The following GLT1D1 variants were observed in gnomAD, a reference collection of about 807,000 sequenced individuals.
The protein encoded by GLT1D1 is glycosyltransferase 1 domain containing 1.
A neutral mutation model predicts 28.7 loss-of-function variants in GLT1D1; 21 were observed. The ratio of observed to expected loss-of-function variants is 0.73; its 90% CI spans 0.52 to 1.05. The LOEUF is 1.05. Ranked by LOEUF, GLT1D1 falls within the 50% of genes least tolerant of loss-of-function variation. The probability of loss-of-function intolerance (pLI) is 0.00; values close to 1 mark genes in which losing one functional copy is unlikely to be tolerated. For synonymous variants in GLT1D1, 147 were observed against 124.8 expected, an observed-to-expected ratio of 1.18 and a Z score of -1.19; for missense variants, 343 against 330.6, an observed-to-expected ratio of 1.04 and a Z score of -0.29.
At chr12:128,944,699 G>A (rs370263075) in intron 4 of GLT1D1, 20 of 666,352 alleles carry the variant, frequency 3.0e-5, no homozygotes, top group East Asian at 2.8e-4. Flanking sequence ...AGCTAGACTG[G>A]GTGAGATTTT....
In GLT1D1 at chr12:128,949,844, G is replaced by T. The variant is rs118148553; in HGVS notation, c.540+2386G>T. Among the ~76,000 whole-genome samples the T allele has an allele frequency of 1.6e-4, 25 of 151,734 alleles. No homozygotes were observed. The East Asian group carries it at 4.6e-3, about 28-fold the overall frequency. On this transcript the variant is annotated intron_variant, in intron 6 of 7. Transcript: ENST00000281703. ...CACATGTACACACGCACATGCACAC[G>T]CACGTACACACACGTGTACGCACAC...
At chr12:128,878,464 G>C (rs767790172) in intron 2 of GLT1D1, among the ~76,000 whole-genome samples, 1 of 152,120 alleles carries the variant, frequency 6.6e-6, no homozygotes, top group Non-Finnish European at 1.5e-5. Context: ...ATACCAACTT[G>C]GGAGAATATA....
At chr12:128,914,617 C>T (rs1413202882) in intron 4 of GLT1D1, among the ~76,000 whole-genome samples, 8 of 151,862 alleles carry the variant, frequency 5.3e-5, no homozygotes, top group Non-Finnish European at 1.0e-4. Context: ...GTCAGGAGTT[C>T]GAGACCAGCC....
intron 4 of GLT1D1, among the ~76,000 whole-genome samples, chr12:128,905,264 G>C (rs1426597468): frequency 6.6e-6 from 1 of 152,220 alleles, no homozygotes; most frequent in Non-Finnish European, 1.5e-5. Flanking sequence ...GAAATCCTGT[G>C]TGTATTTTAC....
At chr12:128,894,168 G>T (rs1052913396) in intron 3 of GLT1D1, among the ~76,000 whole-genome samples, 21 of 152,146 alleles carry the variant, frequency 1.4e-4, no homozygotes, top group Non-Finnish European at 3.1e-4. Flanking sequence ...CTTGGATTAT[G>T]AAAGTGGGCC....
chr12:128,959,411 TGGGGGGGGACGGGTGG>T (rs1877665005), intron 7 of GLT1D1, among the ~76,000 whole-genome samples: 1 of 31,482 alleles, frequency 3.2e-5, no homozygotes, highest in Non-Finnish European at 6.1e-5. Context: ...CATGAGGCAG[TGGGGGGGGACGGGTGG>T]GGAGGTGGCA....
chr12:128,960,109 C>T (rs1431080035), intron 7 of GLT1D1, among the ~76,000 whole-genome samples: 4 of 152,148 alleles, frequency 2.6e-5, no homozygotes, highest in African/African-American at 4.8e-5. Context: ...CCATCAGACA[C>T]GACTCTGCGG....
chr12:128,917,082 C>T (rs917270370), intron 4 of GLT1D1, among the ~76,000 whole-genome samples: 9 of 152,166 alleles, frequency 5.9e-5, no homozygotes, highest in East Asian at 5.8e-4. Context: ...ATGGTTCCGG[C>T]GTCATTTATT....
intron 4 of GLT1D1, among the ~76,000 whole-genome samples, chr12:128,908,745 C>G (rs1192518473): frequency 6.6e-6 from 1 of 151,832 alleles, no homozygotes; most frequent in Non-Finnish European, 1.5e-5. Flanking sequence ...GTCAGGAGAT[C>G]GAGACCATCT....
chr12:128,865,197 C>T (rs967849155), intron 1 of GLT1D1, among the ~76,000 whole-genome samples: 17 of 152,192 alleles, frequency 1.1e-4, no homozygotes, highest in Admixed American at 1.1e-3. Flanking sequence ...TTCCCAGACC[C>T]CTGTGAACTC....
Position 128,862,608 on chromosome 12 carries a change from C to T in GLT1D1, c.68+8959C>T, listed in dbSNP as rs544446482. ...GTGATGAGCCATGATGGCACCACTGCACTCCAGCTTGGGCAGCAACAGAAT... is the reference window on the plus strand; with the variant it reads ...GTGATGAGCCATGATGGCACCACTGTACTCCAGCTTGGGCAGCAACAGAAT... On this transcript the variant is annotated intron_variant, in intron 1 of 7. Transcript: ENST00000281703. Among the ~76,000 whole-genome samples, 6 of 152,318 alleles carry T rather than the reference C, an allele frequency of 3.9e-5. No homozygotes were observed. In the South Asian group the frequency reaches 1.2e-3, roughly 32 times the overall value.
intron 6 of GLT1D1, among the ~76,000 whole-genome samples, chr12:128,955,639 G>T (rs1198362889): frequency 6.6e-6 from 1 of 152,034 alleles, no homozygotes; most frequent in Non-Finnish European, 1.5e-5. Context: ...CCCTCTGAAA[G>T]GTCCTGGTCA....
intron 4 of GLT1D1, among the ~76,000 whole-genome samples, chr12:128,908,558 T>A (rs1263729546): frequency 6.6e-6 from 1 of 151,012 alleles, no homozygotes; most frequent in Non-Finnish European, 1.5e-5. Flanking sequence ...TTTTAATTGT[T>A]CTCCTACCCA....
At chr12:128,944,660 G>T (rs1189350717) in intron 4 of GLT1D1, 4 of 728,868 alleles carry the variant, frequency 5.5e-6, no homozygotes, top group Middle Eastern at 3.7e-4. Flanking sequence ...GCTTCTGCCT[G>T]TGGAAGTGTC....
At chr12:128,962,284 C>T (rs757128956) in intron 7 of GLT1D1, among the ~76,000 whole-genome samples, 7 of 152,268 alleles carry the variant, frequency 4.6e-5, no homozygotes, top group Non-Finnish European at 8.8e-5. Context: ...CTGCCTGTTG[C>T]AGACCTGCAG....
At chr12:128,890,532 C>T (rs1187414003) in intron 3 of GLT1D1, among the ~76,000 whole-genome samples, 1 of 152,056 alleles carries the variant, frequency 6.6e-6, no homozygotes, top group Non-Finnish European at 1.5e-5. Flanking sequence ...GCCTGTAATC[C>T]CAGCACTTTG....
At chr12:128,896,926 T>C (rs1336756336) in intron 3 of GLT1D1, among the ~76,000 whole-genome samples, 1 of 152,232 alleles carries the variant, frequency 6.6e-6, no homozygotes, top group Non-Finnish European at 1.5e-5. Context: ...GTTGAATTCA[T>C]AGAGGTAGAA....
At chr12:128,882,626 G>A (rs1957085224) in intron 2 of GLT1D1, among the ~76,000 whole-genome samples, 1 of 152,018 alleles carries the variant, frequency 6.6e-6, no homozygotes, top group Admixed American at 6.6e-5. Context: ...TTAAGGTATG[G>A]ACCAATTATT....
intron 4 of GLT1D1, among the ~76,000 whole-genome samples, chr12:128,936,405 C>T (rs535603482): frequency 5.3e-5 from 8 of 152,316 alleles, no homozygotes; most frequent in East Asian, 3.9e-4. Context: ...CCGCCTGTCT[C>T]GGCCTCCCAA....
Sources: allele counts gnomAD v4.1 joint callset (sites outside exome capture counted in the v4.1 genomes callset), GRCh38; gene constraint gnomAD v4.1.1; transcripts MANE v1.5; gene names NCBI Gene and HGNC (gene_info 2026-07-23, HGNC 2026-07-21).